The following STK38 variants were observed in gnomAD, a reference collection of about 807,000 sequenced individuals.
STK38 encodes serine/threonine kinase 38.
Under a neutral mutation model 59.0 loss-of-function variants are expected in STK38, and 26 were observed. The ratio of observed to expected loss-of-function variants is 0.44; its 90% CI spans 0.32 to 0.61. The LOEUF (loss-of-function observed/expected upper bound fraction) is 0.61. Ranked by LOEUF, STK38 falls within the 20% of genes least tolerant of loss-of-function variation. The pLI is 0.04. For missense variants in STK38, 433 were observed against 566.0 expected, an observed-to-expected ratio of 0.76 and a Z score of 2.38; for synonymous variants, 175 against 176.6, an observed-to-expected ratio of 0.99 and a Z score of 0.07.
At chr6:36,530,389 G>A (rs1777637045) in intron 2 of STK38, among the ~76,000 whole-genome samples, 1 of 151,062 alleles carries the variant, frequency 6.6e-6, no homozygotes, top group South Asian at 2.1e-4. Flanking sequence ...TTTGAGACAA[G>A]AGTCTTACTC....
chr6:36,532,824 G>A (rs907447740), intron 2 of STK38, among the ~76,000 whole-genome samples: 18 of 151,870 alleles, frequency 1.2e-4, no homozygotes, highest in African/African-American at 4.4e-4. Context: ...ACTTGAACCC[G>A]GGAGGCAGCA....
At chr6:36,542,027 G>T (rs1421705360) in intron 1 of STK38, among the ~76,000 whole-genome samples, 1 of 151,752 alleles carries the variant, frequency 6.6e-6, no homozygotes, top group African/African-American at 2.4e-5. Flanking sequence ...TAGAGACGGG[G>T]TTTCACCACA....
chr6:36,506,672 C>G, intron 8 of STK38, 28 bp from the exon 9 acceptor site: 1 of 1,606,736 alleles, frequency 6.2e-7, no homozygotes, highest in Non-Finnish European at 8.5e-7. Context: ...AAGCTGCAGT[C>G]AAAGTTCAGA....
chr6:36,503,732 T>TA (rs1776895116), intron 9 of STK38, among the ~76,000 whole-genome samples: 1 of 151,932 alleles, frequency 6.6e-6, no homozygotes, highest in Non-Finnish European at 1.5e-5. Context: ...ACCAGTGCAT[T>TA]AAAAAAAACT....
intron 2 of STK38, among the ~76,000 whole-genome samples, chr6:36,530,697 T>C (rs1442992570): frequency 6.7e-6 from 1 of 149,014 alleles, no homozygotes; most frequent in Non-Finnish European, 1.5e-5. Flanking sequence ...TTTTCTTTTT[T>C]TTTTTTTTTG....
intron 2 of STK38, among the ~76,000 whole-genome samples, chr6:36,536,515 A>AT (rs1022828719): frequency 1.3e-5 from 2 of 151,820 alleles, no homozygotes; most frequent in Admixed American, 6.6e-5. Flanking sequence ...AAAACAAAAA[A>AT]TTTTTTTTAA....
At chr6:36,506,530 G>T in intron 9 of STK38, 53 bp downstream of exon 9, 11 of 1,560,062 alleles carry the variant, frequency 7.1e-6, no homozygotes, top group South Asian at 1.2e-5. Flanking sequence ...AAAATCTTTT[G>T]AACTTATTCA....
chr6:36,546,658 CT>C (rs1331580814), intron 1 of STK38, among the ~76,000 whole-genome samples: 1 of 152,190 alleles, frequency 6.6e-6, no homozygotes, highest in East Asian at 1.9e-4. Flanking sequence ...TTTCCACTCT[CT>C]TCTTAAGAAT....
At chr6:36,510,783 G>A (rs1414821540) in intron 7 of STK38, among the ~76,000 whole-genome samples, 1 of 152,158 alleles carries the variant, frequency 6.6e-6, no homozygotes, top group Non-Finnish European at 1.5e-5. Flanking sequence ...CTGTTAAATG[G>A]CTTGCCGTTA....
At chr6:36,533,029 G>T (rs981605435) in intron 2 of STK38, among the ~76,000 whole-genome samples, 2 of 144,250 alleles carry the variant, frequency 1.4e-5, no homozygotes, top group African/African-American at 2.6e-5. Flanking sequence ...TGGCGCCACT[G>T]CCCTCCAGCC....
At chr6:36,524,492 C>T (rs3752479) in intron 3 of STK38, 29 bp from the exon 4 acceptor site, 13 of 1,572,234 alleles carry the variant, frequency 8.3e-6, no homozygotes, top group South Asian at 2.4e-5. Context: ...AGGGAGGAGA[C>T]GGGAAGGAAC....
intron 7 of STK38, among the ~76,000 whole-genome samples, chr6:36,514,850 A>G (rs1777211225): frequency 1.2e-5 from 1 of 80,702 alleles, no homozygotes; most frequent in Admixed American, 1.2e-4. Context: ...CTTCATCTCA[A>G]AAAAAAAAAA....
At chr6:36,514,995 A>T (rs991474213) in intron 7 of STK38, among the ~76,000 whole-genome samples, 3 of 152,142 alleles carry the variant, frequency 2.0e-5, no homozygotes. Flanking sequence ...GAGGTTGCCC[A>T]ACAGAAGGGC....
At position 36,515,284 on chromosome 6, in the gene STK38, G is replaced by A; in HGVS notation, c.669+54C>T. 3.2e-6 allele frequency: 5 copies of A among 1,583,162 alleles called. No individual in the cohort carries two copies. The South Asian group carries it at 5.7e-5, about 18-fold the overall frequency. On this transcript the variant is annotated intron_variant, in intron 7 of 13. Transcript: ENST00000229812. ...CCACAGGGGTGCAGGTGTTAAAGCA[G>A]AGGCTGCTCAGATCAGTAAACGTGC...
chr6:36,542,673 G>A (rs1360832031), intron 1 of STK38, among the ~76,000 whole-genome samples: 3 of 151,958 alleles, frequency 2.0e-5, no homozygotes, highest in Non-Finnish European at 2.9e-5. Context: ...GGCTGAGCGC[G>A]GTGGCTCACG....
rs575399488 is a variant in STK38, at chr6:36,523,562, G to A, written c.306+779C>T. 5.8e-4 allele frequency among the ~76,000 whole-genome samples: 88 copies of A among 152,088 alleles called. 1 individual carries two copies. In the Middle Eastern group the frequency reaches 0.014, roughly 24 times the overall value. ...GGAGTGAGCCACCGTGCCTGGCCCCGGGGTACCAGGTTTTAATAATATACT... is the reference window on the plus strand; with the variant it reads ...GGAGTGAGCCACCGTGCCTGGCCCCAGGGTACCAGGTTTTAATAATATACT... On this transcript the variant is annotated intron_variant, in intron 4 of 13. Coordinates refer to ENST00000229812, the MANE Select transcript of STK38 (RefSeq NM_007271.4).
chr6:36,520,738 C>T (rs535496678), intron 5 of STK38, among the ~76,000 whole-genome samples: 1 of 151,994 alleles, frequency 6.6e-6, no homozygotes, highest in Non-Finnish European at 1.5e-5. Flanking sequence ...TTGATACTCC[C>T]AACTGAAATT....
intron 7 of STK38, among the ~76,000 whole-genome samples, chr6:36,513,934 T>C (rs1007353445): frequency 1.4e-5 from 2 of 140,520 alleles, no homozygotes; most frequent in African/African-American, 5.3e-5. Flanking sequence ...GGCGGGCAGA[T>C]CACAAGGTCA....
At chr6:36,527,392 TA>T (rs1355142060) in intron 2 of STK38, among the ~76,000 whole-genome samples, 1 of 149,454 alleles carries the variant, frequency 6.7e-6, no homozygotes, top group Admixed American at 6.7e-5. Context: ...CACATATATG[TA>T]TATAAAAATT....
Sources: gnomAD v4.1 joint callset for allele counts (sites outside exome capture counted in the v4.1 genomes callset) on GRCh38, gnomAD v4.1.1 for gene constraint, MANE v1.5 for transcripts, NCBI Gene and HGNC (gene_info 2026-07-23, HGNC 2026-07-21) for gene names.